CCDC85C: variants seen among roughly 807,000 people sequenced by gnomAD.
The protein encoded by CCDC85C is coiled-coil domain-containing protein 85C.
CCDC85C carries 18 observed loss-of-function variants against 38.3 expected under a neutral mutation model. That is an observed-to-expected ratio of 0.47 (90% confidence interval 0.33 to 0.70). The LOEUF (loss-of-function observed/expected upper bound fraction) is 0.70. Ranked by LOEUF, CCDC85C falls within the 30% of genes least tolerant of loss-of-function variation. The pLI is 0.03. For missense variants in CCDC85C, 566 were observed against 621.2 expected, an observed-to-expected ratio of 0.91 and a Z score of 0.94; for synonymous variants, 264 against 293.8, an observed-to-expected ratio of 0.90 and a Z score of 1.04.
At chr14:99,552,870 T>C (rs1461485501) in intron 1 of CCDC85C, among the ~76,000 whole-genome samples, 3 of 152,224 alleles carry the variant, frequency 2.0e-5, no homozygotes, top group Non-Finnish European at 4.4e-5. Context: ...GCTTCCTGCA[T>C]GGCTCTTGGC....
intron 1 of CCDC85C, among the ~76,000 whole-genome samples, chr14:99,593,303 C>T (rs2055108402): frequency 6.6e-6 from 1 of 152,254 alleles, no homozygotes; most frequent in Non-Finnish European, 1.5e-5. Context: ...AGATGCTTCC[C>T]CTGACAGTGG....
Position 99,510,619 on chromosome 14 carries a change from C to T in CCDC85C, c.*4627G>A. ...CCCCCACCCCCACGCCTCCCGCCTACCCACGCAGTCCCCCCTCATCCTCCT... is the reference window on the plus strand; with the variant it reads ...CCCCCACCCCCACGCCTCCCGCCTATCCACGCAGTCCCCCCTCATCCTCCT... On this transcript the variant is annotated 3_prime_UTR_variant, in exon 6 of 6. Coordinates refer to ENST00000380243, the MANE Select transcript of CCDC85C (RefSeq NM_001144995.2). 1 of 1,307,908 alleles carries T rather than the reference C, an allele frequency of 7.6e-7. No homozygotes were observed. Among genetic ancestry groups the T allele is most frequent in the Non-Finnish European group, 1.0e-6 (1 of 999,384 alleles). The allele number at this position is 1,307,908 out of a possible 1,614,324, so 81.0% of individuals were successfully genotyped here. A position where few individuals can be genotyped will look rare whatever the true frequency, so the allele number is the denominator to read the frequency against.
rs1897840434 is a variant in CCDC85C, at chr14:99,548,102, A to G, written c.794-12014T>C. 1.3e-5 allele frequency among the ~76,000 whole-genome samples: 2 copies of G among 152,180 alleles called. No individual in the cohort carries two copies. The highest frequency in any genetic ancestry group is 2.9e-5 in the Non-Finnish European group (2 of 68,030). On this transcript the variant is annotated intron_variant, in intron 1 of 5. Transcript: ENST00000380243. The surrounding 1 kb of genome is among the most constrained non-coding windows in gnomAD (Gnocchi z 4.9). ...GAAACCCGACTATATGAGGATTACG[A>G]ACGCTGCCAGAGAGTGGCTAGGTGA...
At chr14:99,555,176 C>A (rs960711547) in intron 1 of CCDC85C, among the ~76,000 whole-genome samples, 2 of 152,202 alleles carry the variant, frequency 1.3e-5, no homozygotes, top group Non-Finnish European at 1.5e-5. Context: ...TGTAATCACG[C>A]CCACAGGTGA....
chr14:99,500,356 A>G lies in CCDC85C; in HGVS notation c.*14890T>C. ...GTTTTCATGAGGCTGGCTATCATAA[A>G]CTCTTTCTTGCTTAAAATGTTTTCA... On this transcript the variant is annotated 3_prime_UTR_variant, in exon 6 of 6. Transcript: ENST00000380243. 5.0e-6 allele frequency: 1 copy of G among 201,780 alleles called. No homozygotes were observed. The highest frequency in any genetic ancestry group is 1.0e-5 in the Non-Finnish European group (1 of 99,312). The allele number at this position is 201,780 out of a possible 1,614,324, so 12.5% of individuals were successfully genotyped here. A position where few individuals can be genotyped will look rare whatever the true frequency, so the allele number is the denominator to read the frequency against.
intron 1 of CCDC85C, among the ~76,000 whole-genome samples, chr14:99,547,181 C>T (rs1198281904): frequency 6.6e-6 from 1 of 152,080 alleles, no homozygotes; most frequent in Non-Finnish European, 1.5e-5. Context: ...GGCAACATAG[C>T]AAACTCCCGT....
In CCDC85C at chr14:99,544,033, A is replaced by G. The variant is rs1256110505; in HGVS notation, c.794-7945T>C. 6.6e-6 allele frequency among the ~76,000 whole-genome samples: 1 copy of G among 152,190 alleles called. No individual in the cohort carries two copies. The highest frequency in any genetic ancestry group is 1.5e-5 in the Non-Finnish European group (1 of 68,032). ...CACTTGGGGCATAAAGAAGAGAACCATCTTTCCCATTCGCACACACACAGT... is the reference window on the plus strand; with the variant it reads ...CACTTGGGGCATAAAGAAGAGAACCGTCTTTCCCATTCGCACACACACAGT... On this transcript the variant is annotated intron_variant, in intron 1 of 5. Transcript: ENST00000380243. The surrounding 1 kb of genome is among the most constrained non-coding windows in gnomAD (Gnocchi z 5.3).
intron 2 of CCDC85C, among the ~76,000 whole-genome samples, chr14:99,527,657 G>A (rs1897412389): frequency 6.6e-6 from 1 of 152,198 alleles, no homozygotes; most frequent in Non-Finnish European, 1.5e-5. Context: ...CTGACCCTCA[G>A]AACTGTGCAA....
rs1026594997 is a variant in CCDC85C at position 99,572,412 on chromosome 14, C to T, written c.793+30755G>A. 7.9e-5 allele frequency among the ~76,000 whole-genome samples: 12 copies of T among 152,280 alleles called. No individual in the cohort carries two copies. The highest frequency in any genetic ancestry group is 8.8e-5 in the Non-Finnish European group (6 of 68,014). ...TGTCTCAGCCTGCAATCCCGGCTCC[C>T]ACCCCCACCCCAAGGCCCTGCTCCA... On this transcript the variant is annotated intron_variant, in intron 1 of 5. Transcript: ENST00000380243. The surrounding 1 kb of genome is among the most constrained non-coding windows in gnomAD (Gnocchi z 4.4).
At chr14:99,574,129 C>T (rs1054074578) in intron 1 of CCDC85C, among the ~76,000 whole-genome samples, 3 of 152,150 alleles carry the variant, frequency 2.0e-5, no homozygotes, top group African/African-American at 4.8e-5. Flanking sequence ...CTCTGTCCTG[C>T]TTCTGCTGTG....
At chr14:99,581,808 T>C (rs1422646231) in intron 1 of CCDC85C, among the ~76,000 whole-genome samples, 1 of 152,182 alleles carries the variant, frequency 6.6e-6, no homozygotes, top group Non-Finnish European at 1.5e-5. Flanking sequence ...AACCGTGCCA[T>C]CTTCGGGCTG....
At chr14:99,583,413 A>G (rs1250425201) in intron 1 of CCDC85C, among the ~76,000 whole-genome samples, 1 of 151,504 alleles carries the variant, frequency 6.6e-6, no homozygotes. Flanking sequence ...CTGAGGCAGG[A>G]GAATCACTTG....
intron 3 of CCDC85C, among the ~76,000 whole-genome samples, chr14:99,519,826 T>G (rs1897278861): frequency 6.6e-6 from 1 of 152,142 alleles, no homozygotes; most frequent in African/African-American, 2.4e-5. Flanking sequence ...GTGATTCCAT[T>G]TATACGAAAT....
At position 99,588,360 on chromosome 14, in the gene CCDC85C, C is replaced by T. The variant is rs2055049247; in HGVS notation, c.793+14807G>A. 6.6e-6 allele frequency among the ~76,000 whole-genome samples: 1 copy of T among 152,084 alleles called. No homozygotes were observed. Among genetic ancestry groups the T allele is most frequent in the Admixed American group, 6.5e-5 (1 of 15,268 alleles). On this transcript the variant is annotated intron_variant, in intron 1 of 5. Coordinates refer to ENST00000380243, the MANE Select transcript of CCDC85C (RefSeq NM_001144995.2). The surrounding 1 kb of genome is among the most constrained non-coding windows in gnomAD (Gnocchi z 5.0). ...TCCTGTGCACAAACCACCTTCTCCT[C>T]ACCCCAGGCCCCGCCGGGTGCTCCT...
chr14:99,568,852 G>C (rs1443667201), intron 1 of CCDC85C, among the ~76,000 whole-genome samples: 1 of 152,248 alleles, frequency 6.6e-6, no homozygotes, highest in African/African-American at 2.4e-5. Flanking sequence ...AATGTGGAGA[G>C]TCAGCATGTC....
Position 99,515,289 on chromosome 14 carries a change from A to AT in CCDC85C, c.1216dup (p.Ile406AsnfsTer57). 1 of 1,550,944 alleles carries AT rather than the reference A, an allele frequency of 6.4e-7. No homozygotes were observed. Reference sequence around the variant, plus strand: ...CTGGTTCCCAGACAGGTGCTGCCGTATGGAGGGCTTGGAGCTGGCTGCATC... The same window carrying AT: ...CTGGTTCCCAGACAGGTGCTGCCGTATTGGAGGGCTTGGAGCTGGCTGCATC... On this transcript the variant is annotated frameshift_variant, in exon 6 of 6. Coordinates refer to ENST00000380243, the MANE Select transcript of CCDC85C (RefSeq NM_001144995.2). LOFTEE classifies it high-confidence loss of function.
At chr14:99,596,273 C>G (rs183778561) in intron 1 of CCDC85C, among the ~76,000 whole-genome samples, 1 of 152,192 alleles carries the variant, frequency 6.6e-6, no homozygotes, top group Non-Finnish European at 1.5e-5. Flanking sequence ...TTCTAAGACA[C>G]GCCCCATATT....
intron 1 of CCDC85C, among the ~76,000 whole-genome samples, chr14:99,584,230 G>T (rs2055004592): frequency 6.6e-6 from 1 of 152,124 alleles, no homozygotes; most frequent in Non-Finnish European, 1.5e-5. Context: ...GATTAGAGAT[G>T]ATTTTTAAAT....
chr14:99,579,765 C>A (rs1280784496), intron 1 of CCDC85C, among the ~76,000 whole-genome samples: 1 of 152,118 alleles, frequency 6.6e-6, no homozygotes, highest in Non-Finnish European at 1.5e-5. Context: ...ATGTCAGCTC[C>A]TGCCTGCTGT....
Sources: gnomAD v4.1 joint callset for allele counts (sites outside exome capture counted in the v4.1 genomes callset) on GRCh38, gnomAD v4.1.1 for gene constraint, Gnocchi (gnomAD v3.1) non-coding constraint, MANE v1.5 for transcripts, NCBI Gene and HGNC (gene_info 2026-07-23, HGNC 2026-07-21) for gene names.